Variants in WDFY4 observed in about 807,000 individuals in gnomAD.
The protein encoded by WDFY4 is WDFY family member 4.
WDFY4 carries 169 observed loss-of-function variants against 351.9 expected under a neutral mutation model. The ratio of observed to expected loss-of-function variants is 0.48; its 90% CI spans 0.42 to 0.55. The LOEUF (loss-of-function observed/expected upper bound fraction) is 0.55. Ranked by LOEUF, WDFY4 falls within the 20% of genes least tolerant of loss-of-function variation. WDFY4 has a pLI of 0.00. For missense variants in WDFY4, 3,803 were observed against 3,935.6 expected, an observed-to-expected ratio of 0.97 and a Z score of 0.90; for synonymous variants, 1,622 against 1,574.6, an observed-to-expected ratio of 1.03 and a Z score of -0.71.
At chr10:48,850,376 T>C (rs969312429) in intron 39 of WDFY4, among the ~76,000 whole-genome samples, 4 of 152,234 alleles carry the variant, frequency 2.6e-5, no homozygotes, top group Non-Finnish European at 2.9e-5. Context: ...TCATTCATAT[T>C]TATTTTGTAA....
At chr10:48,747,632 C>G (rs1282721058) in intron 12 of WDFY4, among the ~76,000 whole-genome samples, 1 of 152,190 alleles carries the variant, frequency 6.6e-6, no homozygotes, top group Non-Finnish European at 1.5e-5. Context: ...GATATATAAT[C>G]TAGCCATTTA....
chr10:48,961,693 G>C (rs1348812409), intron 53 of WDFY4, among the ~76,000 whole-genome samples: 4 of 152,224 alleles, frequency 2.6e-5, no homozygotes, highest in Non-Finnish European at 4.4e-5. Flanking sequence ...AGATCTTGGA[G>C]AAGAAGGGAA....
At chr10:48,806,214 C>T (rs928615924) in intron 27 of WDFY4, 119 bp downstream of exon 27, 45 of 992,320 alleles carry the variant, frequency 4.5e-5, no homozygotes, top group African/African-American at 2.3e-4. Flanking sequence ...ACAGCCAAGC[C>T]GTGGTTTCCA....
At chr10:48,794,166 G>A (rs1196619258) in intron 23 of WDFY4, among the ~76,000 whole-genome samples, 3 of 152,160 alleles carry the variant, frequency 2.0e-5, no homozygotes, top group Middle Eastern at 3.2e-3. Flanking sequence ...CAGGAAGGCC[G>A]GGACAGGGAA....
At chr10:48,933,976 A>G (rs1052240798) in intron 47 of WDFY4, among the ~76,000 whole-genome samples, 6 of 152,132 alleles carry the variant, frequency 3.9e-5, no homozygotes, top group Admixed American at 6.5e-5. Context: ...CGGTCTGCAG[A>G]CAACCACAGG....
In WDFY4 at chr10:48,806,857, C is replaced by T. The variant is rs1053779426; in HGVS notation, c.4738+762C>T. Among the ~76,000 whole-genome samples the T allele has an allele frequency of 2.0e-5, 3 of 152,204 alleles. 1 individual carries two copies. The highest frequency in any genetic ancestry group is 7.2e-5 in the African/African-American group (3 of 41,440). On this transcript the variant is annotated intron_variant, in intron 27 of 61. Coordinates refer to ENST00000325239, the MANE Select transcript of WDFY4 (RefSeq NM_001394531.1). The stretch of plus-strand genomic sequence containing the variant: ...GCAATTAAAAACTTAATTCCTCACT[C>T]ACTGTAGCCACGTTTTAAGTGCTCA...
At chr10:48,862,965 A>G (rs2069396661) in intron 39 of WDFY4, among the ~76,000 whole-genome samples, 1 of 152,192 alleles carries the variant, frequency 6.6e-6, no homozygotes, top group Non-Finnish European at 1.5e-5. Flanking sequence ...GGGCTTTTGA[A>G]ATTAGCTTCT....
At chr10:48,931,873 A>G (rs1259656885) in intron 47 of WDFY4, among the ~76,000 whole-genome samples, 1 of 152,182 alleles carries the variant, frequency 6.6e-6, no homozygotes, top group Admixed American at 6.5e-5. Flanking sequence ...TATTGCCAGG[A>G]GAATTGAGAA....
At chr10:48,918,378 A>C (rs924545257) in intron 47 of WDFY4, among the ~76,000 whole-genome samples, 1 of 152,224 alleles carries the variant, frequency 6.6e-6, no homozygotes, top group Non-Finnish European at 1.5e-5. Context: ...GAACTAAAAG[A>C]ATGTAAAAAG....
chr10:48,955,765 C>T (rs1010266923), intron 51 of WDFY4, among the ~76,000 whole-genome samples: 2 of 152,180 alleles, frequency 1.3e-5, no homozygotes, highest in Admixed American at 1.3e-4. Flanking sequence ...TCCACCCACC[C>T]CTGCAGCTGC....
At chr10:48,931,922 A>G (rs1026385296) in intron 47 of WDFY4, among the ~76,000 whole-genome samples, 9 of 152,226 alleles carry the variant, frequency 5.9e-5, no homozygotes, top group African/African-American at 2.2e-4. Context: ...GGCAGCTTCT[A>G]GATAGGATGG....
chr10:48,686,350 A>C (rs1025809983), intron 1 of WDFY4, among the ~76,000 whole-genome samples: 2 of 151,748 alleles, frequency 1.3e-5, no homozygotes, highest in South Asian at 4.2e-4. Flanking sequence ...AAGAAAAGAA[A>C]ATTTAGAAAG....
Position 48,774,585 on chromosome 10 carries a change from T to C in WDFY4, c.2681T>C (p.Leu894Pro). The C allele has an allele frequency of 6.4e-7, 1 of 1,551,698 alleles. No individual in the cohort carries two copies. Among genetic ancestry groups the C allele is most frequent in the Admixed American group, 2.0e-5 (1 of 51,006 alleles). Residue 894 changes from leucine to proline, a missense_variant, in exon 14 of 62, where the codon CTG becomes CCG. Leu to Pro is a moderately conservative substitution (Grantham distance 98). Around this residue, in one of 3 missense-constraint regions of WDFY4, gnomAD observed 3,054 missense variants for 3,148.6 expected, o/e 0.97. Coordinates refer to ENST00000325239, the MANE Select transcript of WDFY4 (RefSeq NM_001394531.1). The part of the protein sequence containing the change: ...GTLMASCHRA[L>P]VTSGSPLHSR... ...CTCATGGCCTCCTGCCACAGGGCCCTGGTCACCAGTGGCAGCCCCCTCCAC... is the reference window on the plus strand; with the variant it reads ...CTCATGGCCTCCTGCCACAGGGCCCCGGTCACCAGTGGCAGCCCCCTCCAC...
chr10:48,860,532 T>C (rs2069299661), intron 39 of WDFY4, among the ~76,000 whole-genome samples: 1 of 152,222 alleles, frequency 6.6e-6, no homozygotes, highest in Non-Finnish European at 1.5e-5. Context: ...GCATCAAACC[T>C]AATCACTTCC....
chr10:48,976,455 G>A (rs1057157158), intron 58 of WDFY4: 7 of 179,840 alleles, frequency 3.9e-5, no homozygotes, highest in Non-Finnish European at 6.9e-5. Flanking sequence ...TGTAAGCTGT[G>A]TGTCCAAAGC....
intron 34 of WDFY4, 42 bp from the exon 35 acceptor site, chr10:48,822,338 T>C (rs1419988401): frequency 6.7e-7 from 1 of 1,485,262 alleles, no homozygotes; most frequent in African/African-American, 1.4e-5. Context: ...TGGACAGAAG[T>C]CCATTTAGAC....
At chr10:48,810,853 TC>T (rs1472896259) in intron 29 of WDFY4, 118 bp downstream of exon 29, 2 of 1,108,808 alleles carry the variant, frequency 1.8e-6, no homozygotes, top group East Asian at 5.5e-5. Flanking sequence ...CAGGATCACC[TC>T]GAGCCCTGAC....
chr10:48,805,473 A>G, intron 26 of WDFY4, 52 bp downstream of exon 26: 3 of 1,530,174 alleles, frequency 2.0e-6, no homozygotes. Context: ...GGCTGTTTAA[A>G]AAGGGAGGAC....
chr10:48,823,091 T>G, intron 35 of WDFY4: 1 of 1,268,338 alleles, frequency 7.9e-7, no homozygotes, highest in Non-Finnish European at 1.0e-6. Context: ...CATCATTGAA[T>G]GTAGGTGTAT....
Sources: allele counts gnomAD v4.1 joint callset (sites outside exome capture counted in the v4.1 genomes callset), GRCh38; gene constraint gnomAD v4.1.1; regional missense constraint gnomAD v4.1.1; transcripts MANE v1.5; gene names NCBI Gene and HGNC (gene_info 2026-07-23, HGNC 2026-07-21).